ZMYM5: variants seen among roughly 807,000 people sequenced by gnomAD.
ZMYM5 encodes zinc finger MYM-type containing 5, also known as zinc finger MYM-type protein 5.
In ZMYM5, 41 loss-of-function variants were observed where a neutral mutation model predicts 61.8. That is an observed-to-expected ratio of 0.66 (90% CI 0.52 to 0.86). ZMYM5 has a LOEUF of 0.86. Among genes scored for constraint, ZMYM5 ranks in the 40% least tolerant of loss-of-function variants. The pLI is 0.00. For missense variants in ZMYM5, 706 were observed against 786.7 expected, an observed-to-expected ratio of 0.90 and a Z score of 1.23; for synonymous variants, 257 against 276.4, an observed-to-expected ratio of 0.93 and a Z score of 0.70.
In ZMYM5 at chr13:19,855,268, C is replaced by CT. The variant is rs756746793; in HGVS notation, c.-10-3079dup. On this transcript the variant is annotated intron_variant, in intron 2 of 7. Transcript: ENST00000337963. ...GTTATAACTGACTCCACAGTATCTTCTTTTTTTTTTTTAAGATGGAGTCTC... is the reference window on the plus strand; with the variant it reads ...GTTATAACTGACTCCACAGTATCTTCTTTTTTTTTTTTTAAGATGGAGTCTC... Among the ~76,000 whole-genome samples, 774 of 145,414 alleles carry CT rather than the reference C, an allele frequency of 5.3e-3. 1 individual carries two copies. Among genetic ancestry groups the CT allele is most frequent in the Non-Finnish European group, 6.4e-3 (420 of 65,674 alleles).
intron 4 of ZMYM5, among the ~76,000 whole-genome samples, chr13:19,850,169 T>TA (rs796347818): frequency 4.3e-4 from 66 of 152,274 alleles, no homozygotes; most frequent in African/African-American, 1.3e-3. Context: ...CATTGCTATT[T>TA]AAAAAATCAC....
At chr13:19,844,505 A>C (rs1006687345) in intron 4 of ZMYM5, among the ~76,000 whole-genome samples, 2 of 152,204 alleles carry the variant, frequency 1.3e-5, no homozygotes, top group Non-Finnish European at 2.9e-5. Context: ...AATTCATTAA[A>C]AATTTCAAAT....
chr13:19,824,455 G>A lies in ZMYM5; in HGVS notation c.*22C>T. The A allele has an allele frequency of 7.9e-7, 1 of 1,273,134 alleles. No individual in the cohort carries two copies. 78.9% of individuals were successfully genotyped at this position (1,273,134 alleles called of 1,614,324 possible). Reference sequence around the variant, plus strand: ...AGTAATGTAAGATTCTGATCATCATGCCAAAAAACAACTCAGGTATATTAC... The same window carrying A: ...AGTAATGTAAGATTCTGATCATCATACCAAAAAACAACTCAGGTATATTAC... On this transcript the variant is annotated 3_prime_UTR_variant, in exon 8 of 8. Coordinates refer to ENST00000337963, the MANE Select transcript of ZMYM5 (RefSeq NM_001142684.2).
At chr13:19,840,839 G>A (rs1042972376) in intron 4 of ZMYM5, among the ~76,000 whole-genome samples, 13 of 151,996 alleles carry the variant, frequency 8.6e-5, no homozygotes, top group African/African-American at 2.7e-4. Flanking sequence ...CACCATGCCC[G>A]GCTAATTTTT....
At chr13:19,843,949 C>T (rs1444592310) in intron 4 of ZMYM5, among the ~76,000 whole-genome samples, 2 of 151,512 alleles carry the variant, frequency 1.3e-5, no homozygotes, top group African/African-American at 4.9e-5. Context: ...CTGGCTATAA[C>T]ATGGTGAAAC....
rs1197188720 is a variant in ZMYM5 at position 19,851,419 on chromosome 13, AG to A, written c.521del (p.Pro174LeufsTer4). 6 of 1,614,172 alleles carry A rather than the reference AG, an allele frequency of 3.7e-6. No individual in the cohort carries two copies. Among genetic ancestry groups the A allele is most frequent in the East Asian group, 2.2e-5 (1 of 44,876 alleles). ...AGTCTCCTGCCACATTCATTCTACC[AG>A]GGTTAAAAGGTCTTACTCCAGTCTT... ...KTKTGVRPFNPGRMNVAGDLF... is the reference protein window; with the variant it reads ...KTKTGVRPFNXGRMNVAGDLF... On this transcript the variant is annotated frameshift_variant, in exon 4 of 8. Coordinates refer to ENST00000337963, the MANE Select transcript of ZMYM5 (RefSeq NM_001142684.2). LOFTEE classifies it high-confidence loss of function.
intron 2 of ZMYM5, among the ~76,000 whole-genome samples, chr13:19,854,622 C>T (rs1197042617): frequency 2.6e-5 from 2 of 77,788 alleles, no homozygotes; most frequent in Non-Finnish European, 2.7e-5. Context: ...AATAAGACTT[C>T]GTCTCAAAAA....
intron 7 of ZMYM5, among the ~76,000 whole-genome samples, chr13:19,826,856 G>A (rs1275942650): frequency 6.6e-6 from 1 of 151,082 alleles, no homozygotes; most frequent in East Asian, 1.9e-4. Context: ...CAACTCAAAT[G>A]TCCCATCACA....
chr13:19,828,145 T>C (rs1236498460), intron 7 of ZMYM5, among the ~76,000 whole-genome samples: 3 of 151,978 alleles, frequency 2.0e-5, no homozygotes, highest in South Asian at 4.1e-4. Context: ...TTCTGTTTCA[T>C]TCTGAAAGTA....
intron 2 of ZMYM5, among the ~76,000 whole-genome samples, chr13:19,859,020 A>C (rs1953620002): frequency 6.6e-6 from 1 of 152,084 alleles, no homozygotes; most frequent in Admixed American, 6.5e-5. Flanking sequence ...GGAATGTTTC[A>C]ATACCATGAA....
chr13:19,846,106 A>T (rs188128581), intron 4 of ZMYM5, among the ~76,000 whole-genome samples: 2 of 152,204 alleles, frequency 1.3e-5, no homozygotes, highest in Non-Finnish European at 2.9e-5. Flanking sequence ...AAGGATTTAG[A>T]GTCTCTCTTC....
chr13:19,843,285 T>A (rs1339184492), intron 4 of ZMYM5: 1 of 148,764 alleles, frequency 6.7e-6, no homozygotes, highest in Non-Finnish European at 1.5e-5. Context: ...GCCCAGCTAA[T>A]TTTTGTATTT....
chr13:19,847,192 G>T (rs190768900), intron 4 of ZMYM5, among the ~76,000 whole-genome samples: 2 of 152,060 alleles, frequency 1.3e-5, no homozygotes, highest in African/African-American at 4.8e-5. Flanking sequence ...CAAGTGATCC[G>T]CCTGCCTTGG....
At position 19,838,999 on chromosome 13, in the gene ZMYM5, C is replaced by T; in HGVS notation, c.587-14G>A. On this transcript the variant is annotated splice_polypyrimidine_tract_variant and intron_variant, in intron 4 of 7. Transcript: ENST00000337963. ...AGATCCAAGAATCTTAAAAATGAAACAAGAAAAAAATCATGGAACAAATCA... is the reference window on the plus strand; with the variant it reads ...AGATCCAAGAATCTTAAAAATGAAATAAGAAAAAAATCATGGAACAAATCA... 6.3e-7 allele frequency: 1 copy of T among 1,591,408 alleles called. No homozygotes were observed. The highest frequency in any genetic ancestry group is 8.5e-7 in the Non-Finnish European group (1 of 1,171,440).
intron 4 of ZMYM5, among the ~76,000 whole-genome samples, chr13:19,847,263 A>C (rs1055325229): frequency 5.9e-5 from 9 of 152,044 alleles, no homozygotes; most frequent in Admixed American, 2.6e-4. Flanking sequence ...AAACTTAATT[A>C]TACGGTTACA....
At chr13:19,826,822 C>T (rs189168099) in intron 7 of ZMYM5, among the ~76,000 whole-genome samples, 1 of 149,332 alleles carries the variant, frequency 6.7e-6, no homozygotes, top group Admixed American at 6.7e-5. Context: ...GGTAATATTA[C>T]TCATAATAGC....
At chr13:19,852,631 T>C (rs572293777) in intron 2 of ZMYM5, among the ~76,000 whole-genome samples, 12 of 152,338 alleles carry the variant, frequency 7.9e-5, no homozygotes, top group African/African-American at 2.4e-4. Flanking sequence ...AAAATAATTA[T>C]GTAATTATCT....
chr13:19,827,916 G>T (rs892661348), intron 7 of ZMYM5, among the ~76,000 whole-genome samples: 1 of 150,284 alleles, frequency 6.7e-6, no homozygotes, highest in East Asian at 2.0e-4. Context: ...CTACTCGGGA[G>T]GCTGAGGCAA....
chr13:19,852,834 A>G (rs1049319047), intron 2 of ZMYM5, among the ~76,000 whole-genome samples: 8 of 152,182 alleles, frequency 5.3e-5, no homozygotes, highest in African/African-American at 1.9e-4. Flanking sequence ...AGTAAGACTT[A>G]AACTCAGGGC....
Sources: gnomAD v4.1 joint callset for allele counts (sites outside exome capture counted in the v4.1 genomes callset) on GRCh38, gnomAD v4.1.1 for gene constraint, MANE v1.5 for transcripts, NCBI Gene and HGNC (gene_info 2026-07-23, HGNC 2026-07-21) for gene names.